Variants in LRRC8B observed in about 807,000 individuals in gnomAD.
LRRC8B encodes the protein leucine rich repeat containing 8 VRAC subunit B, also known as volume-regulated anion channel subunit LRRC8B.
LRRC8B carries 23 observed loss-of-function variants against 58.8 expected under a neutral mutation model. That is an observed-to-expected ratio of 0.39 (90% CI 0.28 to 0.55). The LOEUF is 0.55. LRRC8B is among the 20% of genes least tolerant of loss of function. The pLI is 0.62. For synonymous variants in LRRC8B, 359 were observed against 374.1 expected (o/e 0.96, Z 0.47); for missense variants, 694 against 936.0 (o/e 0.74, Z 3.37).
chr1:89,580,616 C>T (rs990592346), intron 4 of LRRC8B, among the ~76,000 whole-genome samples: 1 of 152,098 alleles, frequency 6.6e-6, no homozygotes, highest in Non-Finnish European at 1.5e-5. Context: ...TACCTCGACA[C>T]ACAATTATGT....
intron 1 of LRRC8B, among the ~76,000 whole-genome samples, chr1:89,538,475 C>T (rs1394409300): frequency 6.6e-6 from 1 of 152,110 alleles, no homozygotes; most frequent in Admixed American, 6.5e-5. Flanking sequence ...CACCCCAACC[C>T]CAGTGATTTC....
At position 89,524,921 on chromosome 1, in the gene LRRC8B, G is replaced by C. The variant is rs1197080253; in HGVS notation, c.-342G>C. 3.3e-5 allele frequency: 5 copies of C among 152,308 alleles called. No individual in the cohort carries two copies. The highest frequency in any genetic ancestry group is 9.6e-5 in the African/African-American group (4 of 41,560). 9.4% of individuals were successfully genotyped at this position (152,308 alleles called of 1,614,324 possible). A position where few individuals can be genotyped will look rare whatever the true frequency, so the allele number is the denominator to read the frequency against. ...GCTTCCCGCTGAGCCCGCAGCCTCC[G>C]GCAGCCGGGAAAGTGCGGGCGCGGG... On this transcript the variant is annotated 5_prime_UTR_variant, in exon 1 of 6. Coordinates refer to ENST00000330947, the MANE Select transcript of LRRC8B (RefSeq NM_001369817.2).
chr1:89,541,697 G>C lies in LRRC8B; in HGVS notation c.-241+16675G>C, dbSNP rs566731651. Among the ~76,000 whole-genome samples, 963 of 111,198 alleles carry C rather than the reference G, an allele frequency of 8.7e-3. 21 individuals are homozygous for C. Among genetic ancestry groups the C allele is most frequent in the African/African-American group, 0.038 (918 of 24,066 alleles). The allele number at this position is 111,198 out of a possible 152,430, so 73.0% of individuals were successfully genotyped here. A position where few individuals can be genotyped will look rare whatever the true frequency, so the allele number is the denominator to read the frequency against. On this transcript the variant is annotated intron_variant, in intron 1 of 5. Coordinates refer to ENST00000330947, the MANE Select transcript of LRRC8B (RefSeq NM_001369817.2). ...CTGCACTCCAGCCTGGGCGACAGAG[G>C]GAGACTCCGTCTCAAAAAAAAAAAA...
At chr1:89,591,507 GAT>G (rs1318993241) in intron 5 of LRRC8B, among the ~76,000 whole-genome samples, 1 of 152,144 alleles carries the variant, frequency 6.6e-6, no homozygotes, top group African/African-American at 2.4e-5. Context: ...GTACAATGAT[GAT>G]CTATATGGAA....
rs1447519086 is a variant in LRRC8B, at chr1:89,583,957, T to C, written c.1307T>C (p.Val436Ala). 1 of 1,614,224 alleles carries C rather than the reference T, an allele frequency of 6.2e-7. No homozygotes were observed. The highest frequency in any genetic ancestry group is 1.1e-5 in the South Asian group (1 of 91,082). ...ATGCTCAACGGTCTTCCAGACAATG[T>C]CTTTGAGTTAACTGAAATGGAAGTG... ...LFMLNGLPDN[V>A]FELTEMEVLS... The change falls in exon 5 of 6, where the codon GTC (valine) becomes GCC (alanine). Residue 436 changes from valine (V) to alanine (A), a missense_variant. Val to Ala is a moderately conservative substitution (Grantham distance 64). This residue lies in a region of LRRC8B where 162 missense variants were observed against 198.5 expected (regional missense o/e 0.82). Transcript: ENST00000330947. This position sits in a 1 kb window ranked among gnomAD's most constrained non-coding sequence, Gnocchi z 5.2.
intron 3 of LRRC8B, among the ~76,000 whole-genome samples, chr1:89,574,108 G>A (rs1330194390): frequency 1.3e-5 from 2 of 152,182 alleles, no homozygotes; most frequent in South Asian, 2.1e-4. Context: ...GCCCCTGGTC[G>A]ACAGCCGAAG....
intron 1 of LRRC8B, among the ~76,000 whole-genome samples, chr1:89,555,520 C>T (rs1315275758): frequency 6.6e-6 from 1 of 152,114 alleles, no homozygotes; most frequent in African/African-American, 2.4e-5. Context: ...CCCTGGGGTG[C>T]ATTGATAAGC....
At chr1:89,564,665 C>T (rs1034190569) in intron 1 of LRRC8B, among the ~76,000 whole-genome samples, 1 of 152,066 alleles carries the variant, frequency 6.6e-6, no homozygotes, top group South Asian at 2.1e-4. Flanking sequence ...CCTGCACACC[C>T]GACTCTTCTG....
At chr1:89,581,087 C>G (rs1304596217) in intron 4 of LRRC8B, among the ~76,000 whole-genome samples, 1 of 151,848 alleles carries the variant, frequency 6.6e-6, no homozygotes, top group Admixed American at 6.6e-5. Context: ...GTCAGGAGTT[C>G]GAGACCAGCC....
At chr1:89,578,537 G>A (rs139295768) in intron 3 of LRRC8B, among the ~76,000 whole-genome samples, 2 of 152,246 alleles carry the variant, frequency 1.3e-5, no homozygotes, top group East Asian at 1.9e-4. Context: ...GATGCTGGAT[G>A]GTGACTAATT....
In LRRC8B at chr1:89,546,591, C is replaced by T. The variant is rs116449661; in HGVS notation, c.-241+21569C>T. On this transcript the variant is annotated intron_variant, in intron 1 of 5. Transcript: ENST00000330947. ...TCTCTCTACTACTCCCTTTCAAACT[C>T]TTTGTCTTTTGAGAGCCAAAGAATA... is the stretch of plus-strand genomic sequence containing the variant. 1.2e-4 allele frequency among the ~76,000 whole-genome samples: 18 copies of T among 152,280 alleles called. 1 individual carries two copies. In the East Asian group the frequency reaches 3.3e-3, roughly 28 times the overall value.
intron 1 of LRRC8B, among the ~76,000 whole-genome samples, chr1:89,531,765 C>T (rs1019603987): frequency 1.3e-5 from 2 of 152,210 alleles, no homozygotes; most frequent in African/African-American, 4.8e-5. Context: ...GCCCTCCGAA[C>T]AGCCATCTCA....
intron 4 of LRRC8B, among the ~76,000 whole-genome samples, chr1:89,580,102 G>A (rs1654113097): frequency 6.6e-6 from 1 of 152,118 alleles, no homozygotes; most frequent in Non-Finnish European, 1.5e-5. Context: ...TTCTACCTTG[G>A]GAACAAATCC....
intron 3 of LRRC8B, among the ~76,000 whole-genome samples, chr1:89,577,185 C>G (rs1168546307): frequency 2.0e-5 from 3 of 152,122 alleles, no homozygotes; most frequent in African/African-American, 7.2e-5. Context: ...TTTGAAGTAG[C>G]GTCCTCTTCT....
At chr1:89,566,933 A>C (rs930542554) in intron 1 of LRRC8B, among the ~76,000 whole-genome samples, 1 of 152,218 alleles carries the variant, frequency 6.6e-6, no homozygotes, top group Non-Finnish European at 1.5e-5. Flanking sequence ...CAAATCTTCC[A>C]GAATACCCTT....
At chr1:89,528,667 A>G (rs1271660352) in intron 1 of LRRC8B, among the ~76,000 whole-genome samples, 5 of 152,210 alleles carry the variant, frequency 3.3e-5, no homozygotes, top group South Asian at 2.1e-4. Context: ...GAGGCATTCT[A>G]TGGCTGGTAT....
At chr1:89,588,044 T>G (rs1195854563) in intron 5 of LRRC8B, 1 of 152,200 alleles carries the variant, frequency 6.6e-6, no homozygotes, top group Non-Finnish European at 1.5e-5. Context: ...GAGCAACTGA[T>G]TGGCATAGCT....
At chr1:89,525,173 G>A (rs925118521) in intron 1 of LRRC8B, among the ~76,000 whole-genome samples, 151 bp downstream of exon 1, 1 of 152,254 alleles carries the variant, frequency 6.6e-6, no homozygotes, top group Non-Finnish European at 1.5e-5. Flanking sequence ...GCCAGGCTGC[G>A]GGCCGGTAGC....
intron 1 of LRRC8B, among the ~76,000 whole-genome samples, chr1:89,526,427 C>T (rs1649706946): frequency 6.6e-6 from 1 of 152,186 alleles, no homozygotes; most frequent in African/African-American, 2.4e-5. Flanking sequence ...GTTGGCCAGG[C>T]TGGTCTGAAA....
Sources: gnomAD v4.1 joint callset for allele counts (sites outside exome capture counted in the v4.1 genomes callset) on GRCh38, gnomAD v4.1.1 for gene constraint, gnomAD v4.1.1 regional missense constraint, Gnocchi (gnomAD v3.1) non-coding constraint, MANE v1.5 for transcripts, NCBI Gene and HGNC (gene_info 2026-07-23, HGNC 2026-07-21) for gene names.